Variants in FHL2 observed in about 807,000 individuals in gnomAD.
The protein encoded by FHL2 is four and a half LIM domains protein 2.
In FHL2, 20 loss-of-function variants were observed where a neutral mutation model predicts 32.7. That is an observed-to-expected ratio of 0.61 (90% CI 0.43 to 0.89). The LOEUF (loss-of-function observed/expected upper bound fraction) is 0.89. Ranked by LOEUF, FHL2 falls within the 40% of genes least tolerant of loss-of-function variation. The probability of loss-of-function intolerance (pLI) is 0.00; values close to 1 mark genes in which losing one functional copy is unlikely to be tolerated. For synonymous variants in FHL2, 123 were observed against 128.1 expected, an observed-to-expected ratio of 0.96 and a Z score of 0.27; for missense variants, 311 against 358.6, an observed-to-expected ratio of 0.87 and a Z score of 1.07.
chr2:105,373,076 T>C (rs1681211537), intron 4 of FHL2, among the ~76,000 whole-genome samples: 1 of 152,106 alleles, frequency 6.6e-6, no homozygotes, highest in Non-Finnish European at 1.5e-5. Flanking sequence ...TGACTGTCCG[T>C]CTAGAACACC....
intron 1 of FHL2, among the ~76,000 whole-genome samples, chr2:105,432,362 T>A (rs540089523): frequency 1.2e-4 from 19 of 152,328 alleles, no homozygotes; most frequent in African/African-American, 4.3e-4. Flanking sequence ...TGAACCTAAC[T>A]GATTTGACTG....
At chr2:105,408,700 T>A (rs1456983389) in intron 1 of FHL2, among the ~76,000 whole-genome samples, 1 of 152,202 alleles carries the variant, frequency 6.6e-6, no homozygotes, top group Non-Finnish European at 1.5e-5. Context: ...ATGCAGAGTT[T>A]GGAGGAGCAA....
At chr2:105,367,864 A>C (rs1680748335) in intron 4 of FHL2, 125 bp from the exon 5 acceptor site, 1 of 900,130 alleles carries the variant, frequency 1.1e-6, no homozygotes, top group Non-Finnish European at 1.7e-6. Context: ...TCAGCTCTTG[A>C]AGGCTCGCCT....
intron 2 of FHL2, among the ~76,000 whole-genome samples, chr2:105,389,137 A>C (rs1354329269): frequency 6.6e-6 from 1 of 152,260 alleles, no homozygotes; most frequent in African/African-American, 2.4e-5. Flanking sequence ...GCAGCTGGAC[A>C]CATGCGGCAA....
chr2:105,415,099 G>A (rs1683896410), intron 1 of FHL2, among the ~76,000 whole-genome samples: 1 of 152,208 alleles, frequency 6.6e-6, no homozygotes, highest in Non-Finnish European at 1.5e-5. Context: ...GGTAGCATAA[G>A]TTGGGAAACA....
intron 1 of FHL2, among the ~76,000 whole-genome samples, chr2:105,436,802 G>T (rs1023180733): frequency 6.6e-6 from 1 of 151,974 alleles, no homozygotes; most frequent in Admixed American, 6.6e-5. Context: ...TCTTCTTTTT[G>T]CTGGTCTGTA....
At chr2:105,389,265 G>A (rs1461162511) in intron 2 of FHL2, among the ~76,000 whole-genome samples, 3 of 152,206 alleles carry the variant, frequency 2.0e-5, no homozygotes, top group Non-Finnish European at 4.4e-5. Context: ...GAAGCCCAAC[G>A]TATAAATATC....
At chr2:105,419,316 T>C (rs1684029323) in intron 1 of FHL2, among the ~76,000 whole-genome samples, 1 of 152,224 alleles carries the variant, frequency 6.6e-6, no homozygotes, top group African/African-American at 2.4e-5. Context: ...ACCCAAGCAG[T>C]AGACACTGCA....
intron 1 of FHL2, chr2:105,397,010 GTTTTT>G (rs35576785): frequency 4.6e-5 from 5 of 108,716 alleles, no homozygotes; most frequent in South Asian, 6.0e-4. Context: ...TATCTAGTCT[GTTTTT>G]TTTTTTTTTT....
At chr2:105,399,125 G>C, upstream of FHL2, 1 of 1,401,070 alleles carries the variant, frequency 7.1e-7, no homozygotes, top group South Asian at 1.6e-5. Flanking sequence ...GCACGCCTCG[G>C]CTCGCTGGCA....
chr2:105,382,191 G>A (rs1681944911), intron 3 of FHL2, among the ~76,000 whole-genome samples: 1 of 152,218 alleles, frequency 6.6e-6, no homozygotes, highest in South Asian at 2.1e-4. Context: ...TGGAAAGAGA[G>A]TTTGTGAAAC....
upstream of FHL2, chr2:105,399,398 G>T: frequency 3.3e-6 from 5 of 1,536,120 alleles, no homozygotes; most frequent in Non-Finnish European, 4.4e-6. Context: ...CGGGAGACTG[G>T]AGAAGCCCCA....
At chr2:105,368,440 T>C (rs1680792290) in intron 4 of FHL2, among the ~76,000 whole-genome samples, 1 of 152,202 alleles carries the variant, frequency 6.6e-6, no homozygotes, top group Non-Finnish European at 1.5e-5. Flanking sequence ...CCAGGGAAAC[T>C]CCTGCCTCAA....
chr2:105,366,640 TGG>T (rs1317934640), intron 5 of FHL2, among the ~76,000 whole-genome samples: 4 of 152,236 alleles, frequency 2.6e-5, no homozygotes, highest in Non-Finnish European at 4.4e-5. Flanking sequence ...GGGGGGCAAC[TGG>T]GCAGAGAGAT....
chr2:105,399,617 G>A, upstream of FHL2: 1 of 1,525,156 alleles, frequency 6.6e-7, no homozygotes, highest in Non-Finnish European at 8.8e-7. Flanking sequence ...CTCGGGGCCA[G>A]AAGACTAGTT....
In FHL2 at chr2:105,363,328, G is replaced by T; in HGVS notation, c.645C>A (p.Asp215Glu). ...DFAYCLNCFC[D>E]LYAKKCAGCT... ...ACCCAGCACACTTCTTGGCATACAA[G>T]TCACAGAAGCAGTTCAGGCAGTAGG... Residue 215 changes from aspartate (D) to glutamate (E), a missense_variant, in exon 6 of 7, where the codon GAC (aspartate) becomes GAA (glutamate). Asp to Glu is a conservative substitution (Grantham distance 45, BLOSUM62 2). Coordinates refer to ENST00000530340, the MANE Select transcript of FHL2 (RefSeq NM_001318895.3). 6.2e-7 allele frequency: 1 copy of T among 1,614,212 alleles called. No homozygotes were observed.
chr2:105,399,255 T>A, upstream of FHL2: 1 of 1,535,558 alleles, frequency 6.5e-7, no homozygotes, highest in Non-Finnish European at 8.7e-7. Context: ...CTTCGTGCCC[T>A]CCGGGTCTTG....
intron 2 of FHL2, among the ~76,000 whole-genome samples, chr2:105,391,631 G>T (rs1201012238): frequency 1.3e-5 from 2 of 152,188 alleles, no homozygotes; most frequent in East Asian, 3.9e-4. Context: ...AAAGTTTACT[G>T]CATGGAAGCC....
At chr2:105,393,756 C>A (rs540195959) in intron 2 of FHL2, among the ~76,000 whole-genome samples, 4 of 152,350 alleles carry the variant, frequency 2.6e-5, no homozygotes, top group Admixed American at 6.5e-5. Flanking sequence ...CTCTGCATAG[C>A]AAACCCAACA....
Sources: gnomAD v4.1 joint callset for allele counts (sites outside exome capture counted in the v4.1 genomes callset) on GRCh38, gnomAD v4.1.1 for gene constraint, MANE v1.5 for transcripts, NCBI Gene and HGNC (gene_info 2026-07-23, HGNC 2026-07-21) for gene names.